The following TENT5D variants were observed in gnomAD, a reference collection of about 807,000 sequenced individuals.
The protein encoded by TENT5D is terminal nucleotidyltransferase 5D.
For synonymous variants in TENT5D, 103 were observed against 100.6 expected, an observed-to-expected ratio of 1.02 and a Z score of -0.15; for missense variants, 191 against 287.0, an observed-to-expected ratio of 0.67 and a Z score of 2.42.
At chrX:80,347,366 C>T (rs1212479709) in intron 3 of TENT5D, among the ~76,000 whole-genome samples, 1 of 112,104 alleles carries the variant, frequency 8.9e-6, no homozygotes, top group Non-Finnish European at 1.9e-5. Flanking sequence ...TTAATGATGG[C>T]CATTCTAACT....
At chrX:80,388,874 CT>C (rs1338016717) in intron 3 of TENT5D, among the ~76,000 whole-genome samples, 1 of 111,423 alleles carries the variant, frequency 9.0e-6, no homozygotes, top group Non-Finnish European at 1.9e-5. Flanking sequence ...CTCCAGAGCA[CT>C]TTACCCCACA....
intron 3 of TENT5D, among the ~76,000 whole-genome samples, chrX:80,382,146 A>C (rs1384740106): frequency 9.0e-6 from 1 of 111,225 alleles, no homozygotes; most frequent in Non-Finnish European, 1.9e-5. Flanking sequence ...TTTGGTGTGG[A>C]TGTCCTTTTT....
intron 3 of TENT5D, among the ~76,000 whole-genome samples, chrX:80,378,320 G>A (rs966668074): frequency 9.0e-6 from 1 of 111,662 alleles, no homozygotes; most frequent in African/African-American, 3.3e-5. Flanking sequence ...CCATGCCTAT[G>A]TCCTGAATGG....
intron 3 of TENT5D, among the ~76,000 whole-genome samples, chrX:80,359,107 C>G (rs775731733): frequency 1.1e-4 from 12 of 112,115 alleles, no homozygotes; most frequent in Non-Finnish European, 1.5e-4. Flanking sequence ...GAATGAGATA[C>G]CATCTCACAG....
upstream of TENT5D, among the ~76,000 whole-genome samples, chrX:80,418,802 T>C (rs778493176): frequency 1.3e-3 from 148 of 111,982 alleles, no homozygotes; most frequent in South Asian, 4.1e-3. Flanking sequence ...TGTAGTACTT[T>C]ACAGAATTCA....
intron 3 of TENT5D, among the ~76,000 whole-genome samples, chrX:80,379,810 T>G (rs57277324): frequency 0.096 from 10,596 of 110,292 alleles, 519 homozygotes; most frequent in African/African-American, 0.18. Flanking sequence ...TGATATCCCC[T>G]TTATCATTTT....
chrX:80,440,551 A>G (rs752626424), intron 2 of TENT5D, among the ~76,000 whole-genome samples: 2 of 110,871 alleles, frequency 1.8e-5, no homozygotes, highest in Admixed American at 9.7e-5. Flanking sequence ...TAATTTCAGT[A>G]ATGTCAATAT....
intron 3 of TENT5D, among the ~76,000 whole-genome samples, chrX:80,352,740 A>C (rs966899021): frequency 2.8e-5 from 3 of 107,779 alleles, no homozygotes; most frequent in Non-Finnish European, 5.8e-5. Flanking sequence ...AAAAAAAAAA[A>C]AAAAAACTCC....
chrX:80,376,142 A>G (rs1232742009), intron 3 of TENT5D, among the ~76,000 whole-genome samples: 4 of 110,687 alleles, frequency 3.6e-5, no homozygotes, highest in Non-Finnish European at 7.6e-5. Context: ...TGTAGTAATT[A>G]ACGTTTATGG....
Position 80,367,490 on chromosome X carries a change from G to A in TENT5D, c.-142+24926G>A, listed in dbSNP as rs766599573. 5.4e-5 allele frequency among the ~76,000 whole-genome samples: 6 copies of A among 111,124 alleles called. No individual in the cohort carries two copies. In the South Asian group the frequency reaches 2.3e-3, roughly 42 times the overall value. ...ATACAATCCAGCAATCTCACTGCTTGGTATATGCCAATAAGAACGGAAATC... is the reference window on the plus strand; with the variant it reads ...ATACAATCCAGCAATCTCACTGCTTAGTATATGCCAATAAGAACGGAAATC... On this transcript the variant is annotated intron_variant, in intron 3 of 4. Coordinates refer to the TENT5D transcript ENST00000538312.
At chrX:80,440,462 A>AT (rs1488679374) in intron 2 of TENT5D, among the ~76,000 whole-genome samples, 2 of 108,927 alleles carry the variant, frequency 1.8e-5, no homozygotes, top group Admixed American at 9.9e-5. Flanking sequence ...CATTTTGGCA[A>AT]TTTTTTTTTA....
intron 3 of TENT5D, among the ~76,000 whole-genome samples, chrX:80,397,941 G>T (rs755137462): frequency 9.1e-6 from 1 of 110,312 alleles, no homozygotes; most frequent in African/African-American, 3.3e-5. Flanking sequence ...GACGGAGACC[G>T]TGGGAGAGGG....
intron 3 of TENT5D, among the ~76,000 whole-genome samples, chrX:80,381,728 C>A (rs955315464): frequency 2.7e-5 from 3 of 111,457 alleles, no homozygotes; most frequent in Admixed American, 1.9e-4. Flanking sequence ...TCACTGATAC[C>A]CTTTCTTCCA....
intron 3 of TENT5D, among the ~76,000 whole-genome samples, chrX:80,358,086 T>C (rs113105983): frequency 8.9e-6 from 1 of 111,876 alleles, no homozygotes; most frequent in African/African-American, 3.3e-5. Context: ...ATTTAATAAA[T>C]GGTGCTGGGA....
At chrX:80,337,065 C>T (rs1036582344) in intron 2 of TENT5D, among the ~76,000 whole-genome samples, 2 of 111,462 alleles carry the variant, frequency 1.8e-5, no homozygotes, top group Admixed American at 1.9e-4. Flanking sequence ...CACTTAGGCA[C>T]AGAAATAGCA....
chrX:80,375,827 A>G (rs187891524), intron 3 of TENT5D, among the ~76,000 whole-genome samples: 1 of 112,020 alleles, frequency 8.9e-6, no homozygotes, highest in Non-Finnish European at 1.9e-5. Context: ...TCTGATAAAC[A>G]TAGCCCTCTT....
intron 3 of TENT5D, among the ~76,000 whole-genome samples, chrX:80,357,914 A>G (rs1329761662): frequency 2.7e-5 from 3 of 111,831 alleles, no homozygotes. Context: ...ACTTCAAACT[A>G]TACTACAAGG....
intron 1 of TENT5D, among the ~76,000 whole-genome samples, chrX:80,421,676 A>G (rs1221586534): frequency 8.9e-6 from 1 of 112,287 alleles, no homozygotes; most frequent in African/African-American, 3.2e-5. Flanking sequence ...GAATGCCATT[A>G]TCATTCACCC....
At chrX:80,339,870 T>TAGAG (rs537860305) in intron 2 of TENT5D, among the ~76,000 whole-genome samples, 165 of 103,755 alleles carry the variant, frequency 1.6e-3, no homozygotes, top group Middle Eastern at 5.4e-3. Context: ...TATATATATA[T>TAGAG]ATAGAGAGAG....
Sources: gnomAD v4.1 joint callset for allele counts (sites outside exome capture counted in the v4.1 genomes callset) on GRCh38, gnomAD v4.1.1 for gene constraint, MANE v1.5 for transcripts, NCBI Gene and HGNC (gene_info 2026-07-23, HGNC 2026-07-21) for gene names.